The following HTR7 variants were observed in gnomAD, a reference collection of about 807,000 sequenced individuals.
HTR7 encodes 5-hydroxytryptamine receptor 7, also known as 5-HT-7.
A neutral mutation model predicts 34.0 loss-of-function variants in HTR7; 16 were observed. The ratio of observed to expected loss-of-function variants is 0.47; its 90% CI spans 0.32 to 0.71. The LOEUF (loss-of-function observed/expected upper bound fraction) is 0.71, where lower values mean the gene tolerates loss of function less well. HTR7 is among the 30% of genes least tolerant of loss of function. The pLI is 0.04. For missense variants in HTR7, 504 were observed against 625.5 expected, an observed-to-expected ratio of 0.81 and a Z score of 2.07; for synonymous variants, 265 against 260.2, an observed-to-expected ratio of 1.02 and a Z score of -0.18.
Position 90,857,569 on chromosome 10 carries a change from C to G in HTR7, c.103G>C (p.Gly35Arg). ...GRGLPDLSPD[G>R]GADPVAGSWA... ...GAGCCCGCGACCGGGTCGGCGCCAC[C>G]GTCGGGGCTCAAGTCGGGCAGCCCG... Residue 35 changes from glycine to arginine, a missense_variant, in exon 1 of 4, where the codon GGT (glycine) becomes CGT (arginine). Transcript: ENST00000336152. This position sits in a 1 kb window ranked among gnomAD's most constrained non-coding sequence, Gnocchi z 6.5. 6.3e-7 allele frequency: 1 copy of G among 1,595,212 alleles called. No individual in the cohort carries two copies. Among genetic ancestry groups the G allele is most frequent in the Non-Finnish European group, 8.5e-7 (1 of 1,172,394 alleles).
chr10:90,838,841 C>T (rs575571509), intron 1 of HTR7, among the ~76,000 whole-genome samples: 105 of 152,300 alleles, frequency 6.9e-4, no homozygotes, highest in African/African-American at 2.5e-3. Flanking sequence ...CATGATCACC[C>T]ACTCTTACAC....
At chr10:90,775,567 C>A (rs900846724) in intron 1 of HTR7, among the ~76,000 whole-genome samples, 1 of 152,214 alleles carries the variant, frequency 6.6e-6, no homozygotes, top group Admixed American at 6.5e-5. Context: ...GAAGCCAAAC[C>A]TCACAGGGCC....
chr10:90,761,633 C>CGTGTGTGTGT (rs3981197), intron 1 of HTR7, among the ~76,000 whole-genome samples: 6 of 147,486 alleles, frequency 4.1e-5, no homozygotes, highest in Admixed American at 2.0e-4. Context: ...TGTGTGTATG[C>CGTGTGTGTGT]GTGTGTGTGT....
chr10:90,774,682 T>C (rs1845176291), intron 1 of HTR7, among the ~76,000 whole-genome samples: 1 of 152,208 alleles, frequency 6.6e-6, no homozygotes, highest in Non-Finnish European at 1.5e-5. Context: ...TTTCCTTCCA[T>C]CTTTTTACTC....
intron 1 of HTR7, among the ~76,000 whole-genome samples, chr10:90,824,003 A>C (rs1374136546): frequency 6.6e-6 from 1 of 152,190 alleles, no homozygotes; most frequent in East Asian, 1.9e-4. Flanking sequence ...TTCATAAATT[A>C]CTGAGTCTCA....
In HTR7 at chr10:90,857,859, A is replaced by T. The variant is rs1846621282; in HGVS notation, c.-188T>A. 6.6e-6 allele frequency among the ~76,000 whole-genome samples: 1 copy of T among 151,382 alleles called. No individual in the cohort carries two copies. The highest frequency in any genetic ancestry group is 2.1e-4 in the South Asian group (1 of 4,826). On this transcript the variant is annotated 5_prime_UTR_variant, in exon 1 of 4. Coordinates refer to ENST00000336152, the MANE Select transcript of HTR7 (RefSeq NM_019859.4). The surrounding 1 kb of genome is among the most constrained non-coding windows in gnomAD (Gnocchi z 6.5). ...CCCCGGACCCCCGGCCGCTGCGGGTAACGCGGCAGCGCGGCCTCACGGGGA... is the reference window on the plus strand; with the variant it reads ...CCCCGGACCCCCGGCCGCTGCGGGTTACGCGGCAGCGCGGCCTCACGGGGA...
At chr10:90,823,335 A>G (rs1846016692) in intron 1 of HTR7, among the ~76,000 whole-genome samples, 1 of 152,252 alleles carries the variant, frequency 6.6e-6, no homozygotes, top group African/African-American at 2.4e-5. Context: ...CAAATGAGAC[A>G]TGGAGTCAAA....
intron 1 of HTR7, among the ~76,000 whole-genome samples, chr10:90,843,447 C>T (rs893920491): frequency 2.0e-5 from 3 of 152,182 alleles, no homozygotes; most frequent in Admixed American, 6.5e-5. Context: ...TCAGGGGATT[C>T]TAGAAATGTG....
At chr10:90,760,812 T>G (rs1210277649) in intron 1 of HTR7, among the ~76,000 whole-genome samples, 2 of 152,022 alleles carry the variant, frequency 1.3e-5, no homozygotes, top group Non-Finnish European at 2.9e-5. Flanking sequence ...ACCCGGGAAG[T>G]GTAAGTTGCA....
chr10:90,823,602 G>C (rs2120020372), intron 1 of HTR7, among the ~76,000 whole-genome samples: 2 of 152,266 alleles, frequency 1.3e-5, no homozygotes, highest in East Asian at 3.9e-4. Flanking sequence ...AGACTCTGGG[G>C]GACTGTTGGG....
intron 1 of HTR7, among the ~76,000 whole-genome samples, chr10:90,839,166 G>A (rs180929401): frequency 1.3e-5 from 2 of 152,310 alleles, no homozygotes; most frequent in East Asian, 3.9e-4. Context: ...TCAATTAGTA[G>A]GGGCCTGTGG....
At chr10:90,845,053 G>T (rs182448309) in intron 1 of HTR7, among the ~76,000 whole-genome samples, 48 of 152,228 alleles carry the variant, frequency 3.2e-4, no homozygotes, top group Non-Finnish European at 6.5e-4. Context: ...GTTGCTGGGG[G>T]TAGGGGGCTG....
At chr10:90,770,775 G>T (rs572120345) in intron 1 of HTR7, among the ~76,000 whole-genome samples, 129 of 152,312 alleles carry the variant, frequency 8.5e-4, no homozygotes, top group African/African-American at 1.7e-3. Flanking sequence ...AGCAGCCTGG[G>T]TGCCATGGAC....
At chr10:90,751,351 C>T (rs550770999) in intron 1 of HTR7, among the ~76,000 whole-genome samples, 1 of 152,234 alleles carries the variant, frequency 6.6e-6, no homozygotes, top group East Asian at 1.9e-4. Context: ...AAAATCTAGT[C>T]CTTGTTCTCA....
rs915914724 is a variant in HTR7, at chr10:90,857,549, C to T, written c.123G>A (p.Ala41=). 1.2e-6 allele frequency: 2 copies of T among 1,600,020 alleles called. No individual in the cohort carries two copies. Among genetic ancestry groups the T allele is most frequent in the Non-Finnish European group, 1.7e-6 (2 of 1,174,252 alleles). ...TCAGCAGGTGCGGCGCCCAGGAGCC[C>T]GCGACCGGGTCGGCGCCACCGTCGG... is the stretch of plus-strand genomic sequence containing the variant. ...LSPDGGADPV[A]GSWAPHLLSE... is the part of the protein sequence containing the mutation. Residue 41 remains alanine, a synonymous_variant, in exon 1 of 4, where the codon GCG becomes GCA. Coordinates refer to ENST00000336152, the MANE Select transcript of HTR7 (RefSeq NM_019859.4). The surrounding 1 kb of genome is among the most constrained non-coding windows in gnomAD (Gnocchi z 6.5).
intron 1 of HTR7, among the ~76,000 whole-genome samples, chr10:90,780,584 A>G (rs1845293333): frequency 6.6e-6 from 1 of 152,070 alleles, no homozygotes. Flanking sequence ...TATGTGCCAC[A>G]TGGAAAGTGA....
At chr10:90,795,070 T>C (rs1845517674) in intron 1 of HTR7, among the ~76,000 whole-genome samples, 1 of 152,242 alleles carries the variant, frequency 6.6e-6, no homozygotes, top group Non-Finnish European at 1.5e-5. Flanking sequence ...GTGGGGCATT[T>C]AGGTTGTTTC....
intron 1 of HTR7, among the ~76,000 whole-genome samples, chr10:90,790,007 C>A (rs1343216276): frequency 6.6e-6 from 1 of 152,162 alleles, no homozygotes; most frequent in East Asian, 1.9e-4. Flanking sequence ...CTACTTAGTG[C>A]ACACCCTACA....
At position 90,857,702 on chromosome 10, in the gene HTR7, C is replaced by A. The variant is rs749128172; in HGVS notation, c.-31G>T. 1 of 1,461,780 alleles carries A rather than the reference C, an allele frequency of 6.8e-7. No individual in the cohort carries two copies. Among genetic ancestry groups the A allele is most frequent in the South Asian group, 1.4e-5 (1 of 71,502 alleles). The allele number at this position is 1,461,780 out of a possible 1,614,324, so 90.6% of individuals were successfully genotyped here. A position where few individuals can be genotyped will look rare whatever the true frequency, so the allele number is the denominator to read the frequency against. ...CGCCGTGTGCCGCTGCCCATGGAGC[C>A]GGCGCCCCGGCCACGCGCCTCCGGC... On this transcript the variant is annotated 5_prime_UTR_variant, in exon 1 of 4. Coordinates refer to ENST00000336152, the MANE Select transcript of HTR7 (RefSeq NM_019859.4). This position sits in a 1 kb window ranked among gnomAD's most constrained non-coding sequence, Gnocchi z 6.5.
Sources: allele counts gnomAD v4.1 joint callset (sites outside exome capture counted in the v4.1 genomes callset), GRCh38; gene constraint gnomAD v4.1.1; non-coding constraint Gnocchi (gnomAD v3.1); transcripts MANE v1.5; gene names NCBI Gene and HGNC (gene_info 2026-07-23, HGNC 2026-07-21).